Variants in SEPTIN14 observed in about 807,000 individuals in gnomAD.
SEPTIN14 encodes the protein septin 14.
A neutral mutation model predicts 53.6 loss-of-function variants in SEPTIN14; 40 were observed. The observed-to-expected ratio is 0.75, with a 90% CI of 0.58 to 0.97. SEPTIN14 has a LOEUF of 0.97. Ranked by LOEUF, SEPTIN14 falls within the 50% of genes least tolerant of loss-of-function variation. The pLI, the probability that SEPTIN14 is intolerant of heterozygous loss-of-function variation, is 0.00. For missense variants in SEPTIN14, 471 were observed against 508.2 expected (o/e 0.93, Z 0.70); for synonymous variants, 138 against 166.8 (o/e 0.83, Z 1.33).
At chr7:55,838,709 G>A (rs931428271) in intron 5 of SEPTIN14, among the ~76,000 whole-genome samples, 1 of 151,768 alleles carries the variant, frequency 6.6e-6, no homozygotes, top group Non-Finnish European at 1.5e-5. Flanking sequence ...CACCATGCCT[G>A]GCTAATTTTT....
chr7:55,843,181 G>A, intron 4 of SEPTIN14, 53 bp from the exon 5 acceptor site: 3 of 1,157,724 alleles, frequency 2.6e-6, no homozygotes, highest in Non-Finnish European at 3.6e-6. Flanking sequence ...TCTAAAGCCT[G>A]CTTTTTGACC....
intron 6 of SEPTIN14, among the ~76,000 whole-genome samples, chr7:55,831,720 G>A (rs1194550688): frequency 2.0e-5 from 3 of 152,096 alleles, no homozygotes; most frequent in Non-Finnish European, 2.9e-5. Context: ...CTTTGCATCT[G>A]ACAAAGAACT....
chr7:55,830,349 A>ATATATATATT (rs71015108), intron 6 of SEPTIN14, among the ~76,000 whole-genome samples: 6 of 56,846 alleles, frequency 1.1e-4, no homozygotes, highest in Non-Finnish European at 1.1e-4. Flanking sequence ...ATATATATAT[A>ATATATATATT]TTTTTTTTTT....
chr7:55,843,055 A>T lies in SEPTIN14; in HGVS notation c.445T>A (p.Ser149Thr). ...YLQEELKIKR[S>T]LFEYHDSRVH... ...CGAGAATCATGGTACTCAAACAAGG[A>T]ACGTTTAATCTTCAGTTCTTCTTGA... Residue 149 changes from serine (S) to threonine (T), a missense_variant, in exon 5 of 10, where the codon TCC (serine) becomes ACC (threonine). Transcript: ENST00000388975. 6.2e-7 allele frequency: 1 copy of T among 1,608,216 alleles called. No homozygotes were observed. The highest frequency in any genetic ancestry group is 8.5e-7 in the Non-Finnish European group (1 of 1,177,088).
intron 2 of SEPTIN14, among the ~76,000 whole-genome samples, chr7:55,854,531 G>T (rs886189586): frequency 1.3e-5 from 2 of 151,936 alleles, no homozygotes; most frequent in Non-Finnish European, 2.9e-5. Flanking sequence ...CCGGGTTCAC[G>T]CTATTCTCCT....
At chr7:55,840,986 G>A (rs976132859) in intron 5 of SEPTIN14, among the ~76,000 whole-genome samples, 22 of 152,122 alleles carry the variant, frequency 1.4e-4, no homozygotes, top group Middle Eastern at 3.4e-3. Flanking sequence ...TGCAACCTCC[G>A]CCTCCCTGGT....
chr7:55,806,992 G>A (rs1032582740), intron 8 of SEPTIN14, 98 bp downstream of exon 8: 2 of 863,138 alleles, frequency 2.3e-6, no homozygotes, highest in African/African-American at 3.5e-5. Flanking sequence ...CTCAAGATGG[G>A]AGAAGTATAA....
At position 55,846,613 on chromosome 7, in the gene SEPTIN14, A is replaced by T. The variant is rs370108591; in HGVS notation, c.79T>A (p.Leu27Ile). The T allele has an allele frequency of 6.7e-7, 1 of 1,486,094 alleles. No individual in the cohort carries two copies. Among genetic ancestry groups the T allele is most frequent in the Admixed American group, 1.8e-5 (1 of 57,102 alleles). The allele number at this position is 1,486,094 out of a possible 1,614,324, so 92.1% of individuals were successfully genotyped here. Residue 27 changes from leucine (L) to isoleucine (I), a missense_variant, in exon 3 of 10, where the codon TTA (leucine) becomes ATA (isoleucine). By Grantham distance (5) the Leu-to-Ile change is conservative (BLOSUM62 2). Coordinates refer to ENST00000388975, the MANE Select transcript of SEPTIN14 (RefSeq NM_207366.3). ...DTQKENNIRC[L>I]TTIGHFGFEC... is the part of the protein sequence containing the mutation. ...AAACCAAAATGTCCAATCGTAGTTA[A>T]ACAACGAATATTATTTTCTTTTTGC...
chr7:55,844,822 C>T (rs886934935), intron 3 of SEPTIN14, 104 bp from the exon 4 acceptor site: 1 of 519,494 alleles, frequency 1.9e-6, no homozygotes, highest in Non-Finnish European at 3.2e-6. Context: ...AAGTTGAACT[C>T]ATAGAAGTAG....
chr7:55,841,779 C>A (rs1055683590), intron 5 of SEPTIN14, among the ~76,000 whole-genome samples: 7 of 150,252 alleles, frequency 4.7e-5, no homozygotes, highest in Non-Finnish European at 7.4e-5. Flanking sequence ...CGCTTGAACC[C>A]AGGAGGTGGA....
Position 55,846,510 on chromosome 7 carries a change from C to A in SEPTIN14, c.175+7G>T. 6.4e-7 allele frequency: 1 copy of A among 1,568,150 alleles called. No individual in the cohort carries two copies. On this transcript the variant is annotated splice_region_variant and intron_variant, in intron 3 of 9. Coordinates refer to ENST00000388975, the MANE Select transcript of SEPTIN14 (RefSeq NM_207366.3). ...GGAATAATTCAAATGAGGTGTTTGA[C>A]ACTTACCCACACAGAGAATATTAAA...
In SEPTIN14 at chr7:55,843,106, T is replaced by G. The variant is rs765062844; in HGVS notation, c.394A>C (p.Ile132Leu). The stretch of plus-strand genomic sequence containing the variant: ...AGATAGGCCTCAAATTGGGCATCTA[T>G]GTAGTCAACTATTGGTTGGTAGCTA... ...EASYQPIVDYIDAQFEAYLQE... is the reference protein window; with the variant it reads ...EASYQPIVDYLDAQFEAYLQE... The change falls in exon 5 of 10, where the codon ATA (isoleucine) becomes CTA (leucine). Residue 132 changes from isoleucine (I) to leucine (L), a missense_variant. Ile to Leu is a conservative substitution (Grantham distance 5). Transcript: ENST00000388975. 1.9e-6 allele frequency: 3 copies of G among 1,591,666 alleles called. No homozygotes were observed. The highest frequency in any genetic ancestry group is 2.6e-6 in the Non-Finnish European group (3 of 1,173,486).
At chr7:55,859,073 C>T (rs908877637) in intron 2 of SEPTIN14, among the ~76,000 whole-genome samples, 1 of 151,672 alleles carries the variant, frequency 6.6e-6, no homozygotes, top group Admixed American at 6.6e-5. Flanking sequence ...ATTGCTTGAA[C>T]CTGGGAGGTG....
rs113863326 is a variant in SEPTIN14, at chr7:55,849,415, T to C, written c.55-2778A>G. Among the ~76,000 whole-genome samples, 1,247 of 151,760 alleles carry C rather than the reference T, an allele frequency of 8.2e-3. 20 individuals are homozygous for C. Among genetic ancestry groups the C allele is most frequent in the African/African-American group, 0.028 (1,177 of 41,386 alleles). On this transcript the variant is annotated intron_variant, in intron 2 of 9. Transcript: ENST00000388975. ...GCAAAAATTTGCTGCTTTGAAAAGA[T>C]TGATAAGATTGATAAACACCTAGCT... is the stretch of plus-strand genomic sequence containing the variant.
rs1485600857 is a variant in SEPTIN14 at position 55,794,454 on chromosome 7, T to C, written c.*1459A>G. ...GCTAATGTACTATTGCTGGGTCCAT[T>C]TATTCAATGAATAATTGCTGCTATG... is the stretch of plus-strand genomic sequence containing the variant. On this transcript the variant is annotated 3_prime_UTR_variant, in exon 10 of 10. Transcript: ENST00000388975. 6.6e-6 allele frequency: 1 copy of C among 152,204 alleles called. No homozygotes were observed. Among genetic ancestry groups the C allele is most frequent in the Non-Finnish European group, 1.5e-5 (1 of 68,038 alleles). 9.4% of individuals were successfully genotyped at this position (152,204 alleles called of 1,614,324 possible). A position where few individuals can be genotyped will look rare whatever the true frequency, so the allele number is the denominator to read the frequency against.
At position 55,842,017 on chromosome 7, in the gene SEPTIN14, A is replaced by T. The variant is rs1185904488; in HGVS notation, c.558+925T>A. Among the ~76,000 whole-genome samples, 6 of 152,178 alleles carry T rather than the reference A, an allele frequency of 3.9e-5. No individual in the cohort carries two copies. In the East Asian group the frequency reaches 1.2e-3, roughly 29 times the overall value. ...GCCACTGCACTCCAGCCTGGGAGAC[A>T]GTAAGACTCCATCTCAAAATAAAAT... On this transcript the variant is annotated intron_variant, in intron 5 of 9. Transcript: ENST00000388975.
intron 9 of SEPTIN14, among the ~76,000 whole-genome samples, chr7:55,802,940 CT>C (rs1376207267): frequency 0.037 from 5,318 of 145,522 alleles, 82 homozygotes; most frequent in Non-Finnish European, 0.049. Flanking sequence ...TGAAACTGAA[CT>C]TTTTTTTTTT....
In SEPTIN14 at chr7:55,834,443, T is replaced by C. The variant is rs369551263; in HGVS notation, c.702A>G (p.Gln234=). 1.2e-6 allele frequency: 2 copies of C among 1,610,730 alleles called. No individual in the cohort carries two copies. The highest frequency in any genetic ancestry group is 2.7e-5 in the African/African-American group (2 of 74,772). The change falls in exon 6 of 10, where the codon CAA becomes CAG. Residue 234 remains glutamine, a synonymous_variant. Coordinates refer to ENST00000388975, the MANE Select transcript of SEPTIN14 (RefSeq NM_207366.3). The stretch of plus-strand genomic sequence containing the variant: ...AACTTACACTAACTGAGGAGTTCGC[T>C]TGAGCAGCAGTTTCTTCATCTGTTG... ...QLPTDEETAA[Q]ANSSVSGLLP...
At chr7:55,802,202 G>A (rs576295740) in intron 9 of SEPTIN14, among the ~76,000 whole-genome samples, 1 of 151,768 alleles carries the variant, frequency 6.6e-6, no homozygotes, top group Non-Finnish European at 1.5e-5. Context: ...ATGGGGTTTC[G>A]CCAAGTTGGC....
Sources: allele counts gnomAD v4.1 joint callset (sites outside exome capture counted in the v4.1 genomes callset), GRCh38; gene constraint gnomAD v4.1.1; transcripts MANE v1.5; gene names NCBI Gene and HGNC (gene_info 2026-07-23, HGNC 2026-07-21).